The following SFI1 variants were observed in gnomAD, a reference collection of about 807,000 sequenced individuals.
SFI1 encodes the protein protein SFI1 homolog.
SFI1 carries 195 observed loss-of-function variants against 207.5 expected under a neutral mutation model. The observed-to-expected ratio is 0.94, with a 90% CI of 0.84 to 1.06. The LOEUF (loss-of-function observed/expected upper bound fraction) is 1.06. SFI1 is among the 50% of genes least tolerant of loss of function. The pLI is 0.00. For missense variants in SFI1, 1,634 were observed against 1,588.0 expected (o/e 1.03, Z -0.49); for synonymous variants, 630 against 598.9 (o/e 1.05, Z -0.76).
chr22:31,518,794 G>A (rs1602027026), intron 2 of SFI1, among the ~76,000 whole-genome samples: 3 of 152,280 alleles, frequency 2.0e-5, no homozygotes, highest in South Asian at 4.1e-4. Context: ...ACTCCCTCTA[G>A]GAGTCTGGAA....
chr22:31,558,021 T>C (rs2061337331), intron 7 of SFI1, among the ~76,000 whole-genome samples: 1 of 152,180 alleles, frequency 6.6e-6, no homozygotes. Context: ...GTATGGATAA[T>C]AGGAGAGGCT....
chr22:31,539,082 C>T lies in SFI1; in HGVS notation c.339-7779C>T, dbSNP rs1602345424. The stretch of plus-strand genomic sequence containing the variant: ...ATCCTTCACACCTCTTGTTCTTTCA[C>T]ACCCCAATTTAAAATGCCATATGCC... On this transcript the variant is annotated intron_variant, in intron 4 of 32. Transcript: ENST00000400288. Among the ~76,000 whole-genome samples, 2 of 152,294 alleles carry T rather than the reference C, an allele frequency of 1.3e-5. 1 individual carries two copies. Among genetic ancestry groups the T allele is most frequent in the South Asian group, 4.1e-4 (2 of 4,820 alleles).
At position 31,611,280 on chromosome 22, in the gene SFI1, C is replaced by T. The variant is rs1271030679; in HGVS notation, c.2392C>T (p.His798Tyr). The T allele has an allele frequency of 6.2e-7, 1 of 1,609,192 alleles. No homozygotes were observed. The highest frequency in any genetic ancestry group is 8.5e-7 in the Non-Finnish European group (1 of 1,177,380). The change falls in exon 23 of 33, where the codon CAT becomes TAT. Residue 798 changes from histidine (H) to tyrosine (Y), a missense_variant. Physicochemically the swap from His to Tyr is moderately conservative, Grantham distance 83 (BLOSUM62 2). Coordinates refer to ENST00000400288, the MANE Select transcript of SFI1 (RefSeq NM_001007467.3). ...LEGLARWKTHHLQCVRKRLLH... is the reference protein window; with the variant it reads ...LEGLARWKTHYLQCVRKRLLH... ...GGGGCTGGCCCGGTGGAAGACGCAC[C>T]ATCTGCAGTGTGTCAGGAAGAGGGT...
At position 31,613,543 on chromosome 22, in the gene SFI1, C is replaced by T. The variant is rs1357257823; in HGVS notation, c.2742+13C>T. 1.9e-6 allele frequency: 3 copies of T among 1,582,084 alleles called. No homozygotes were observed. The highest frequency in any genetic ancestry group is 2.6e-6 in the Non-Finnish European group (3 of 1,165,790). On this transcript the variant is annotated intron_variant, in intron 26 of 32. Transcript: ENST00000400288. ...GCAGCAGGTCCAGGTAGGCCCAGGG[C>T]CCCTTCCTGTGGGGAGCAGGCAGGG...
intron 19 of SFI1, 141 bp downstream of exon 19, chr22:31,604,545 A>T: frequency 2.8e-6 from 2 of 718,268 alleles, no homozygotes; most frequent in Non-Finnish European, 4.4e-6. Context: ...TGCCCCGGAC[A>T]GCGGGCCTTA....
chr22:31,606,430 G>A lies in SFI1; in HGVS notation c.2157G>A (p.Lys719=), dbSNP rs780377328. 2.5e-5 allele frequency: 41 copies of A among 1,613,236 alleles called. No individual in the cohort carries two copies. The highest frequency in any genetic ancestry group is 3.3e-5 in the Non-Finnish European group (39 of 1,179,850). Residue 719 remains lysine, a splice_region_variant and synonymous_variant, in exon 21 of 33, where the codon AAG becomes AAA. Transcript: ENST00000400288. ...ATTACAGAAGGACCATATGTTCCAA[G>A]GTGAGGTATAAGGAGGCAAGCTGGT... The part of the protein sequence containing the change: ...STHYRRTICS[K]VLVQWREAVS...
chr22:31,542,447 G>A (rs2059643596), intron 4 of SFI1, among the ~76,000 whole-genome samples: 1 of 151,600 alleles, frequency 6.6e-6, no homozygotes, highest in Non-Finnish European at 1.5e-5. Context: ...GGCCAACATG[G>A]TGAAACCCCA....
At chr22:31,613,330 C>T (rs995783585) in intron 25 of SFI1, 24 bp from the exon 26 acceptor site, 1 of 1,602,810 alleles carries the variant, frequency 6.2e-7, no homozygotes, top group East Asian at 2.2e-5. Flanking sequence ...GAGACCTGGG[C>T]CTCACCTCCT....
chr22:31,581,993 C>G (rs919289862), intron 12 of SFI1, among the ~76,000 whole-genome samples: 2 of 151,482 alleles, frequency 1.3e-5, no homozygotes, highest in African/African-American at 4.8e-5. Flanking sequence ...GATTCCCTAA[C>G]ATTAATATCT....
intron 2 of SFI1, among the ~76,000 whole-genome samples, chr22:31,512,833 C>A (rs1287959953): frequency 3.9e-5 from 6 of 152,064 alleles, no homozygotes; most frequent in African/African-American, 1.4e-4. Flanking sequence ...ACTACAGGCG[C>A]CTGCCACCAC....
Position 31,563,041 on chromosome 22 carries a change from TG to T in SFI1, c.765+1651del, listed in dbSNP as rs561658106. Among the ~76,000 whole-genome samples, 410 of 151,496 alleles carry T rather than the reference TG, an allele frequency of 2.7e-3. 1 individual carries two copies. Among genetic ancestry groups the T allele is most frequent in the Middle Eastern group, 6.9e-3 (2 of 290 alleles). ...GTATTGCTCGCTCTGTCACCCAGAC[TG>T]GAGTGCAGTGGCGCGATCTTGCCTC... is the stretch of plus-strand genomic sequence containing the variant. On this transcript the variant is annotated intron_variant, in intron 8 of 32. Transcript: ENST00000400288.
At chr22:31,496,676 G>C (rs923999963) in intron 1 of SFI1, 39 bp downstream of exon 1, 1 of 152,258 alleles carries the variant, frequency 6.6e-6, no homozygotes, top group African/African-American at 2.4e-5. Context: ...CCTCTTCTGG[G>C]CTCGGCCTTT....
intron 8 of SFI1, among the ~76,000 whole-genome samples, chr22:31,571,857 C>CT (rs1402186434): frequency 6.6e-6 from 1 of 151,882 alleles, no homozygotes; most frequent in Non-Finnish European, 1.5e-5. Flanking sequence ...TTTCCATAGT[C>CT]TAATTAAAGG....
At chr22:31,593,007 G>A (rs1461151140) in intron 15 of SFI1, among the ~76,000 whole-genome samples, 7 of 124,256 alleles carry the variant, frequency 5.6e-5, no homozygotes, top group Non-Finnish European at 1.0e-4. Flanking sequence ...CCTCCCTCCC[G>A]GACGGCACGG....
intron 17 of SFI1, among the ~76,000 whole-genome samples, 169 bp downstream of exon 17, chr22:31,602,954 C>T (rs925469435): frequency 5.9e-5 from 9 of 152,200 alleles, no homozygotes; most frequent in Admixed American, 2.0e-4. Flanking sequence ...CTAGGTTGGC[C>T]GGGCACAGTG....
chr22:31,612,812 TCA>T (rs2070596637), intron 24 of SFI1: 1 of 319,192 alleles, frequency 3.1e-6, no homozygotes, highest in Admixed American at 4.2e-5. Context: ...CCAAGAGGGA[TCA>T]CACAGAGCAG....
chr22:31,586,255 C>A (rs7285777), intron 14 of SFI1, among the ~76,000 whole-genome samples: 22 of 151,846 alleles, frequency 1.4e-4, no homozygotes, highest in Admixed American at 4.6e-4. Flanking sequence ...GCCAGTCCAC[C>A]TCCACCCCTA....
intron 11 of SFI1, among the ~76,000 whole-genome samples, chr22:31,579,277 G>A (rs552927297): frequency 1.3e-5 from 2 of 152,100 alleles, no homozygotes; most frequent in African/African-American, 2.4e-5. Context: ...CCAAGCAGCT[G>A]GGACCACAGG....
At position 31,570,628 on chromosome 22, in the gene SFI1, C is replaced by T. The variant is rs138179121; in HGVS notation, c.766-2430C>T. 7.0e-4 allele frequency among the ~76,000 whole-genome samples: 107 copies of T among 152,090 alleles called. No individual in the cohort carries two copies. In the East Asian group the frequency reaches 0.016, roughly 22 times the overall value. On this transcript the variant is annotated intron_variant, in intron 8 of 32. Coordinates refer to ENST00000400288, the MANE Select transcript of SFI1 (RefSeq NM_001007467.3). Reference sequence around the variant, plus strand: ...TAAAGTTACTAGAGTGAGCGGGGTGCGGTGGCTCATGCCTGTAAATCCCAA... The same window carrying T: ...TAAAGTTACTAGAGTGAGCGGGGTGTGGTGGCTCATGCCTGTAAATCCCAA...
Sources: gnomAD v4.1 joint callset for allele counts (sites outside exome capture counted in the v4.1 genomes callset) on GRCh38, gnomAD v4.1.1 for gene constraint, MANE v1.5 for transcripts, NCBI Gene and HGNC (gene_info 2026-07-23, HGNC 2026-07-21) for gene names.